Variants in MGAM observed in about 807,000 individuals in gnomAD.
MGAM encodes alpha-1,4-glucosidase.
MGAM carries 253 observed loss-of-function variants against 358.8 expected under a neutral mutation model. That is an observed-to-expected ratio of 0.71 (90% CI 0.64 to 0.78). MGAM has a LOEUF of 0.78. MGAM is among the 30% of genes least tolerant of loss of function. MGAM has a pLI of 0.00. For missense variants in MGAM, 3,080 were observed against 3,432.6 expected (o/e 0.90, Z 2.57); for synonymous variants, 1,105 against 1,227.1 (o/e 0.90, Z 2.08).
chr7:142,098,746 A>G (rs1365973452), intron 66 of MGAM, among the ~76,000 whole-genome samples: 1 of 152,212 alleles, frequency 6.6e-6, no homozygotes, highest in Non-Finnish European at 1.5e-5. Flanking sequence ...CTGAGTGTGC[A>G]TGTTGAGTCT....
At chr7:141,996,107 G>A (rs1327157487) in intron 1 of MGAM, among the ~76,000 whole-genome samples, 177 bp downstream of exon 1, 2 of 151,870 alleles carry the variant, frequency 1.3e-5, no homozygotes, top group African/African-American at 2.4e-5. Flanking sequence ...TCAGGAGATC[G>A]AGACCATGGT....
intron 21 of MGAM, among the ~76,000 whole-genome samples, chr7:142,045,396 ATATAT>A (rs202030355): frequency 0.35 from 35,305 of 100,330 alleles, 7,744 homozygotes; most frequent in Admixed American, 0.44. Flanking sequence ...ATAATACATG[ATATAT>A]TATATATATT....
chr7:142,039,292 A>G (rs1195525884), intron 19 of MGAM, among the ~76,000 whole-genome samples: 1 of 151,672 alleles, frequency 6.6e-6, no homozygotes, highest in Non-Finnish European at 1.5e-5. Flanking sequence ...TTTTGTAGAG[A>G]CGGGGTTTCA....
chr7:142,030,376 T>G lies in MGAM; in HGVS notation c.1236T>G (p.Ala412=), dbSNP rs781935099. 1 of 1,613,122 alleles carries G rather than the reference T, an allele frequency of 6.2e-7. No homozygotes were observed. The highest frequency in any genetic ancestry group is 1.7e-5 in the Admixed American group (1 of 59,898). The change falls in exon 11 of 71, where the codon GCT becomes GCG. Residue 412 remains alanine (A), a synonymous_variant. Coordinates refer to ENST00000475668, the MANE Select transcript of MGAM (RefSeq NM_001365693.1). The part of the protein sequence containing the change: ...AAQLPYDVQH[A]DIDYMDERRD... ...TATTCTTTCAGGATGTTCAGCATGC[T>G]GATATTGATTATATGGATGAGAGAA... is the stretch of plus-strand genomic sequence containing the variant.
chr7:142,101,731 C>A (rs1019249406), intron 68 of MGAM, among the ~76,000 whole-genome samples: 1 of 151,554 alleles, frequency 6.6e-6, no homozygotes, highest in African/African-American at 2.4e-5. Flanking sequence ...CATGCAGAAA[C>A]CCCCTCTCTA....
At chr7:142,050,204 A>G (rs1320550741) in intron 22 of MGAM, 31 bp from the exon 23 acceptor site, 2 of 1,612,620 alleles carry the variant, frequency 1.2e-6, no homozygotes, top group Admixed American at 1.7e-5. Context: ...TGGGCAGGCC[A>G]GAATCTGACT....
intron 21 of MGAM, among the ~76,000 whole-genome samples, chr7:142,046,362 A>AT (rs895904426): frequency 6.6e-6 from 1 of 151,100 alleles, no homozygotes; most frequent in East Asian, 1.9e-4. Context: ...TGGTGATCTT[A>AT]TTTTTTTTAA....
At position 142,043,066 on chromosome 7, in the gene MGAM, A is replaced by G. The variant is rs1424506051; in HGVS notation, c.2498+2220A>G. ...AATATAATATCTATATTATATATACATATAATATCTAAATATAATATATAT... is the reference window on the plus strand; with the variant it reads ...AATATAATATCTATATTATATATACGTATAATATCTAAATATAATATATAT... On this transcript the variant is annotated intron_variant, in intron 21 of 70. Coordinates refer to ENST00000475668, the MANE Select transcript of MGAM (RefSeq NM_001365693.1). 1.6e-4 allele frequency among the ~76,000 whole-genome samples: 12 copies of G among 73,948 alleles called. No homozygotes were observed. In the South Asian group the frequency reaches 4.7e-3, roughly 29 times the overall value. The allele number at this position is 73,948 out of a possible 152,430, so 48.5% of individuals were successfully genotyped here.
chr7:142,040,966 C>T, intron 21 of MGAM, 120 bp downstream of exon 21: 1 of 1,190,448 alleles, frequency 8.4e-7, no homozygotes, highest in South Asian at 1.7e-5. Context: ...ACGACTGTTG[C>T]AGTTTTAGCA....
chr7:142,011,178 T>C (rs2128987478), intron 3 of MGAM, among the ~76,000 whole-genome samples: 1 of 152,278 alleles, frequency 6.6e-6, no homozygotes, highest in East Asian at 1.9e-4. Flanking sequence ...ATCTCAATAA[T>C]TTGAGAGGTT....
intron 30 of MGAM, among the ~76,000 whole-genome samples, chr7:142,057,802 AC>A (rs1162270556): frequency 6.6e-6 from 1 of 152,138 alleles, no homozygotes; most frequent in African/African-American, 2.4e-5. Context: ...TCACAGAAAC[AC>A]TATCAGGCAG....
chr7:142,027,163 GC>G lies in MGAM; in HGVS notation c.1032del (p.Ile345PhefsTer20), dbSNP rs782300594. On this transcript the variant is annotated frameshift_variant, in exon 9 of 71. Transcript: ENST00000475668. LOFTEE classifies it high-confidence loss of function. ...APAITYRTIG[G>X]ILDFYVFLGN... ...GCCATCACTTACCGCACCATTGGGG[GC>G]ATTCTCGACTTCTATGTGTTCTTGG... 6.8e-6 allele frequency: 11 copies of G among 1,613,554 alleles called. No homozygotes were observed. Among genetic ancestry groups the G allele is most frequent in the Admixed American group, 1.7e-5 (1 of 59,992 alleles).
At chr7:142,048,312 C>G (rs1461404607) in intron 22 of MGAM, among the ~76,000 whole-genome samples, 1 of 151,536 alleles carries the variant, frequency 6.6e-6, no homozygotes, top group Non-Finnish European at 1.5e-5. Context: ...CCATGCCTGG[C>G]TAATTTTTTG....
intron 3 of MGAM, 50 bp downstream of exon 3, chr7:142,008,755 G>C: frequency 6.4e-7 from 1 of 1,567,518 alleles, no homozygotes; most frequent in Non-Finnish European, 8.7e-7. Flanking sequence ...CAACTTGATA[G>C]TTTATTTTTT....
rs116300768 is a variant in MGAM, at chr7:142,069,109, G to A, written c.5061+406G>A. Among the ~76,000 whole-genome samples, 685 of 146,274 alleles carry A rather than the reference G, an allele frequency of 4.7e-3. 72 individuals are homozygous for A. Among genetic ancestry groups the A allele is most frequent in the African/African-American group, 6.8e-3 (282 of 41,188 alleles). On this transcript the variant is annotated intron_variant, in intron 43 of 70. Coordinates refer to ENST00000475668, the MANE Select transcript of MGAM (RefSeq NM_001365693.1). ...CTGTAAGTTTGTAAGCATAGAGGCC[G>A]TTTTGTCTCTTTTGATTAAATACCT... is the stretch of plus-strand genomic sequence containing the variant.
chr7:142,062,864 C>T (rs1402019654), intron 35 of MGAM, among the ~76,000 whole-genome samples, 162 bp downstream of exon 35: 2 of 152,150 alleles, frequency 1.3e-5, no homozygotes, highest in Non-Finnish European at 2.9e-5. Flanking sequence ...GCCCTGGTAG[C>T]CCTCACACCT....
chr7:142,005,807 C>A, intron 2 of MGAM, 150 bp downstream of exon 2: 1 of 678,588 alleles, frequency 1.5e-6, no homozygotes, highest in Non-Finnish European at 2.3e-6. Flanking sequence ...TTTTGGACAG[C>A]TCAGTAGATA....
chr7:142,032,967 A>G (rs1450333399), intron 14 of MGAM, 58 bp downstream of exon 14: 2 of 1,205,612 alleles, frequency 1.7e-6, no homozygotes, highest in South Asian at 1.4e-5. Flanking sequence ...TTATAAATTC[A>G]TAAGGACAGA....
At chr7:142,022,648 A>G (rs1806573203) in intron 7 of MGAM, among the ~76,000 whole-genome samples, 1 of 152,180 alleles carries the variant, frequency 6.6e-6, no homozygotes, top group Non-Finnish European at 1.5e-5. Flanking sequence ...TGGAAGTAAT[A>G]TCTCAATAGG....
Sources: allele counts gnomAD v4.1 joint callset (sites outside exome capture counted in the v4.1 genomes callset), GRCh38; gene constraint gnomAD v4.1.1; transcripts MANE v1.5; gene names NCBI Gene and HGNC (gene_info 2026-07-23, HGNC 2026-07-21).